USP48: variants seen among roughly 807,000 people sequenced by gnomAD.
USP48 encodes ubiquitin carboxyl-terminal hydrolase 48.
In USP48, 43 loss-of-function variants were observed where a neutral mutation model predicts 150.7. The ratio of observed to expected loss-of-function variants is 0.29; its 90% CI spans 0.22 to 0.37. The LOEUF (loss-of-function observed/expected upper bound fraction) is 0.37, where lower values mean the gene tolerates loss of function less well. Ranked by LOEUF, USP48 falls within the 10% of genes least tolerant of loss-of-function variation. The pLI, the probability that USP48 is intolerant of heterozygous loss-of-function variation, is 1.00. For missense variants in USP48, 813 were observed against 1,249.6 expected (o/e 0.65, Z 5.27); for synonymous variants, 396 against 425.9 (o/e 0.93, Z 0.86).
chr1:21,684,114 C>T (rs144948095), intron 25 of USP48, among the ~76,000 whole-genome samples: 3,773 of 152,202 alleles, frequency 0.025, 55 homozygotes, highest in Middle Eastern at 0.044. Context: ...AATATCCTTT[C>T]GATACACTGA....
In USP48 at chr1:21,761,898, GAGA is replaced by G. The variant is rs552882669; in HGVS notation, c.135-4118_135-4116del. ...TAAAGTAGAACCCATCCACTGTGGG[GAGA>G]AGAAGCTAGGGTTTTGTTTTAGTGC... On this transcript the variant is annotated intron_variant, in intron 1 of 26. Transcript: ENST00000308271. Among the ~76,000 whole-genome samples the G allele has an allele frequency of 1.2e-4, 19 of 152,362 alleles. No individual in the cohort carries two copies. The East Asian group carries it at 1.9e-3, about 15-fold the overall frequency.
chr1:21,758,241 T>C lies in USP48; in HGVS notation c.135-458A>G, dbSNP rs2097841863. On this transcript the variant is annotated intron_variant, in intron 1 of 26. Transcript: ENST00000308271. Reference sequence around the variant, plus strand: ...ACACACACAGCATGAAAAAGATATCTATGAACAGATATAAGGTAATTTATA... The same window carrying C: ...ACACACACAGCATGAAAAAGATATCCATGAACAGATATAAGGTAATTTATA... 2.0e-5 allele frequency among the ~76,000 whole-genome samples: 3 copies of C among 150,078 alleles called. No homozygotes were observed. The Admixed American group carries it at 2.0e-4, about 10-fold the overall frequency.
chr1:21,687,773 C>T (rs2097583692), intron 24 of USP48, among the ~76,000 whole-genome samples: 1 of 152,226 alleles, frequency 6.6e-6, no homozygotes, highest in Admixed American at 6.5e-5. Context: ...CCAGTACAGA[C>T]TCTAGCTGCC....
At chr1:21,713,447 A>T (rs1471866124) in intron 15 of USP48, among the ~76,000 whole-genome samples, 4 of 152,168 alleles carry the variant, frequency 2.6e-5, no homozygotes, top group Admixed American at 2.6e-4. Flanking sequence ...GGAGTGGAGT[A>T]TGTGTCCTGA....
intron 1 of USP48, among the ~76,000 whole-genome samples, chr1:21,774,740 T>G (rs372809719): frequency 1.3e-5 from 2 of 150,564 alleles, no homozygotes; most frequent in African/African-American, 4.9e-5. Flanking sequence ...ACCTGTAATC[T>G]CAACACTTCG....
In USP48 at chr1:21,727,458, T is replaced by C. The variant is rs148248942; in HGVS notation, c.1450+1112A>G. On this transcript the variant is annotated intron_variant, in intron 11 of 26. Coordinates refer to ENST00000308271, the MANE Select transcript of USP48 (RefSeq NM_032236.8). Reference sequence around the variant, plus strand: ...CTTGACACATAACATCTTTGAACTCTATAGTTCTAAAGAGTGGTTCAAATG... The same window carrying C: ...CTTGACACATAACATCTTTGAACTCCATAGTTCTAAAGAGTGGTTCAAATG... Among the ~76,000 whole-genome samples the C allele has an allele frequency of 2.2e-3, 336 of 152,316 alleles. 2 individuals carry two copies. Among genetic ancestry groups the C allele is most frequent in the African/African-American group, 7.0e-3 (289 of 41,576 alleles).
chr1:21,767,911 G>A (rs1460021226), intron 1 of USP48, among the ~76,000 whole-genome samples: 1 of 152,004 alleles, frequency 6.6e-6, no homozygotes, highest in East Asian at 1.9e-4. Context: ...CAAGAAATAA[G>A]CAAATCTAAA....
At chr1:21,750,026 A>G (rs2097805322) in intron 6 of USP48, among the ~76,000 whole-genome samples, 1 of 152,130 alleles carries the variant, frequency 6.6e-6, no homozygotes, top group Non-Finnish European at 1.5e-5. Context: ...ATCCATCTTC[A>G]GCCTATTCTC....
intron 11 of USP48, chr1:21,726,448 A>C (rs2097737395): frequency 6.6e-6 from 1 of 152,266 alleles, no homozygotes; most frequent in Non-Finnish European, 1.5e-5. Flanking sequence ...GAAGACAGAA[A>C]GCAGAGAACA....
intron 15 of USP48, among the ~76,000 whole-genome samples, chr1:21,708,233 G>A (rs2097678708): frequency 6.6e-6 from 1 of 152,046 alleles, no homozygotes; most frequent in Non-Finnish European, 1.5e-5. Flanking sequence ...GGGCTTGGTG[G>A]TTCACACTTG....
chr1:21,684,449 C>T (rs1305048320), intron 25 of USP48, among the ~76,000 whole-genome samples: 1 of 152,172 alleles, frequency 6.6e-6, no homozygotes, highest in African/African-American at 2.4e-5. Context: ...TGTTCAGGTC[C>T]GTTGCCTACT....
intron 23 of USP48, among the ~76,000 whole-genome samples, chr1:21,693,991 A>C (rs981056810): frequency 6.6e-6 from 1 of 152,238 alleles, no homozygotes; most frequent in Non-Finnish European, 1.5e-5. Flanking sequence ...AACTTTTTGG[A>C]TATCTATCAG....
intron 15 of USP48, among the ~76,000 whole-genome samples, chr1:21,709,740 T>C (rs1055152727): frequency 7.9e-5 from 12 of 152,188 alleles, no homozygotes; most frequent in Non-Finnish European, 1.0e-4. Flanking sequence ...GTGGGGGTAC[T>C]TTTAGGTAGT....
At chr1:21,701,064 C>CAAAAA (rs11311453) in intron 22 of USP48, among the ~76,000 whole-genome samples, 1 of 60,504 alleles carries the variant, frequency 1.7e-5, no homozygotes, top group Non-Finnish European at 3.2e-5. Context: ...GGATCCATCT[C>CAAAAA]AAAAAAAAAA....
At chr1:21,752,675 GA>G (rs1265192552) in intron 4 of USP48, 24 bp from the exon 5 acceptor site, 2 of 1,570,722 alleles carry the variant, frequency 1.3e-6, no homozygotes, top group Non-Finnish European at 1.7e-6. Context: ...TTAATGAAAA[GA>G]AAAATCATAT....
At chr1:21,723,382 T>C (rs2097727264) in intron 12 of USP48, among the ~76,000 whole-genome samples, 1 of 151,962 alleles carries the variant, frequency 6.6e-6, no homozygotes, top group Non-Finnish European at 1.5e-5. Flanking sequence ...TAGCTGGGCA[T>C]GGTGGTGCGC....
At chr1:21,754,107 G>T (rs2097825060) in intron 3 of USP48, among the ~76,000 whole-genome samples, 1 of 152,070 alleles carries the variant, frequency 6.6e-6, no homozygotes, top group Non-Finnish European at 1.5e-5. Flanking sequence ...GTTGTAGTTA[G>T]CCAAGATTGT....
chr1:21,749,824 A>T (rs2152574768), intron 6 of USP48, among the ~76,000 whole-genome samples: 1 of 152,180 alleles, frequency 6.6e-6, no homozygotes, highest in Non-Finnish European at 1.5e-5. Context: ...GCTGGTTTCA[A>T]ACTACTGTTC....
chr1:21,777,228 T>G (rs2097902061), intron 1 of USP48, among the ~76,000 whole-genome samples: 1 of 152,124 alleles, frequency 6.6e-6, no homozygotes, highest in African/African-American at 2.4e-5. Flanking sequence ...AGGCAGAGGT[T>G]GCATTGAGCC....
Sources: gnomAD v4.1 joint callset for allele counts (sites outside exome capture counted in the v4.1 genomes callset) on GRCh38, gnomAD v4.1.1 for gene constraint, MANE v1.5 for transcripts, NCBI Gene and HGNC (gene_info 2026-07-23, HGNC 2026-07-21) for gene names.